Variants in PTPRN2 observed in about 807,000 individuals in gnomAD.
PTPRN2 encodes the protein receptor-type tyrosine-protein phosphatase N2.
Under a neutral mutation model 118.8 loss-of-function variants are expected in PTPRN2, and 74 were observed. The observed-to-expected ratio is 0.62, with a 90% CI of 0.52 to 0.76. The LOEUF (loss-of-function observed/expected upper bound fraction) is 0.76, where lower values mean the gene tolerates loss of function less well. Ranked by LOEUF, PTPRN2 falls within the 30% of genes least tolerant of loss-of-function variation. The probability of loss-of-function intolerance (pLI) is 0.00; values close to 1 mark genes in which losing one functional copy is unlikely to be tolerated. For synonymous variants in PTPRN2, 641 were observed against 608.0 expected, an observed-to-expected ratio of 1.05 and a Z score of -0.80; for missense variants, 1,481 against 1,394.4, an observed-to-expected ratio of 1.06 and a Z score of -0.99.
intron 9 of PTPRN2, among the ~76,000 whole-genome samples, chr7:158,111,824 A>T (rs933784741): frequency 6.6e-6 from 1 of 152,204 alleles, no homozygotes; most frequent in African/African-American, 2.4e-5. Context: ...CTAAAAATTC[A>T]TATGTTGAAA....
At chr7:158,052,094 T>C (rs2128897225) in intron 11 of PTPRN2, among the ~76,000 whole-genome samples, 1 of 152,298 alleles carries the variant, frequency 6.6e-6, no homozygotes, top group African/African-American at 2.4e-5. Flanking sequence ...GCGCCTCTGA[T>C]CCAGAAAAGT....
intron 6 of PTPRN2, among the ~76,000 whole-genome samples, chr7:158,149,714 G>T (rs569246119): frequency 6.6e-6 from 1 of 151,492 alleles, no homozygotes; most frequent in Admixed American, 6.6e-5. Context: ...TAAGGCAGGA[G>T]AATTGCTTGA....
chr7:158,095,992 A>G (rs1814597548), intron 10 of PTPRN2, among the ~76,000 whole-genome samples: 1 of 152,230 alleles, frequency 6.6e-6, no homozygotes, highest in Non-Finnish European at 1.5e-5. Flanking sequence ...CATTTACCCA[A>G]TGCTTCACAC....
intron 21 of PTPRN2, among the ~76,000 whole-genome samples, chr7:157,566,946 C>T (rs545163023): frequency 3.3e-5 from 5 of 152,222 alleles, no homozygotes; most frequent in Non-Finnish European, 5.9e-5. Context: ...CAGGTGCCCC[C>T]AGCAACTCAC....
chr7:158,333,983 A>G, intron 2 of PTPRN2, among the ~76,000 whole-genome samples: 1 of 11,752 alleles, frequency 8.5e-5, no homozygotes, highest in African/African-American at 2.7e-4. Context: ...TCACCATAAG[A>G]GCCGACACCC....
At chr7:157,975,907 A>G (rs1457909222) in intron 11 of PTPRN2, among the ~76,000 whole-genome samples, 1 of 152,222 alleles carries the variant, frequency 6.6e-6, no homozygotes, top group Non-Finnish European at 1.5e-5. Context: ...GTCCAAGGAC[A>G]GCCACAAACT....
intron 9 of PTPRN2, among the ~76,000 whole-genome samples, chr7:158,123,404 G>A (rs73745129): frequency 0.015 from 2,293 of 152,222 alleles, 58 homozygotes; most frequent in African/African-American, 0.052. Context: ...GGTGACCGAC[G>A]CCGCAGTGAC....
chr7:158,527,426 A>T (rs975760927), intron 1 of PTPRN2, among the ~76,000 whole-genome samples: 13 of 152,210 alleles, frequency 8.5e-5, no homozygotes, highest in African/African-American at 3.1e-4. Context: ...GCCAAGACAC[A>T]TGTGATGAGC....
intron 21 of PTPRN2, among the ~76,000 whole-genome samples, chr7:157,561,611 C>T (rs1261541463): frequency 6.6e-6 from 1 of 152,246 alleles, no homozygotes; most frequent in African/African-American, 2.4e-5. Flanking sequence ...ACCCAACCTC[C>T]CAGAACTGCT....
intron 13 of PTPRN2, among the ~76,000 whole-genome samples, chr7:157,658,477 A>C (rs1585190978): frequency 1.3e-5 from 2 of 151,420 alleles, no homozygotes; most frequent in African/African-American, 2.4e-5. Flanking sequence ...AGGGTCTTCG[A>C]CCCTCCTTCC....
At chr7:158,159,965 C>T (rs1822212407) in intron 6 of PTPRN2, among the ~76,000 whole-genome samples, 1 of 152,142 alleles carries the variant, frequency 6.6e-6, no homozygotes, top group Non-Finnish European at 1.5e-5. Context: ...ATCAAAATCT[C>T]TAAATAGAGT....
chr7:157,698,751 G>A (rs529533278), intron 12 of PTPRN2, among the ~76,000 whole-genome samples: 10 of 152,244 alleles, frequency 6.6e-5, no homozygotes, highest in Admixed American at 2.0e-4. Flanking sequence ...TTTAATCAAC[G>A]TATTTGTAAA....
At chr7:158,311,859 G>A (rs1801774940) in intron 3 of PTPRN2, among the ~76,000 whole-genome samples, 1 of 144,008 alleles carries the variant, frequency 6.9e-6, no homozygotes, top group South Asian at 2.3e-4. Flanking sequence ...ACACTCACAT[G>A]CTCATGTGTA....
At chr7:158,214,435 T>C (rs1195817560) in intron 3 of PTPRN2, among the ~76,000 whole-genome samples, 1 of 132,296 alleles carries the variant, frequency 7.6e-6, no homozygotes, top group Non-Finnish European at 1.6e-5. Context: ...CACACACAAC[T>C]AAAGCAGCCT....
At chr7:158,303,828 G>A (rs1000315174) in intron 3 of PTPRN2, among the ~76,000 whole-genome samples, 1 of 152,216 alleles carries the variant, frequency 6.6e-6, no homozygotes, top group Non-Finnish European at 1.5e-5. Context: ...ATAACGTCAG[G>A]GCTGACAACT....
At chr7:157,746,167 G>A (rs553533704) in intron 12 of PTPRN2, among the ~76,000 whole-genome samples, 3 of 134,204 alleles carry the variant, frequency 2.2e-5, no homozygotes, top group African/African-American at 9.1e-5. Context: ...ATGGGACCCT[G>A]AGCATGAAGA....
chr7:158,299,653 G>A (rs1800745349), intron 3 of PTPRN2, among the ~76,000 whole-genome samples: 1 of 152,162 alleles, frequency 6.6e-6, no homozygotes, highest in South Asian at 2.1e-4. Context: ...AGGGCCTTCT[G>A]AGAGCTGTAA....
chr7:157,604,059 G>T lies in PTPRN2; in HGVS notation c.2361C>A (p.Val787=). 1 of 1,613,836 alleles carries T rather than the reference G, an allele frequency of 6.2e-7. No homozygotes were observed. The highest frequency in any genetic ancestry group is 8.5e-7 in the Non-Finnish European group (1 of 1,180,014). The change falls in exon 16 of 23, where the codon GTC becomes GTA. Residue 787 remains valine, a synonymous_variant. Transcript: ENST00000389418. Reference sequence around the variant, plus strand: ...TGTGGCTGTTCTCCGCCTTCAGCAGGACCCGGGAGTGGTCATCTGCAAGGA... The same window carrying T: ...TGTGGCTGTTCTCCGCCTTCAGCAGTACCCGGGAGTGGTCATCTGCAAGGA... The part of the protein sequence containing the change: ...LAVLTYDHSR[V]LLKAENSHSH...
intron 1 of PTPRN2, among the ~76,000 whole-genome samples, chr7:158,575,855 C>A (rs904468870): frequency 6.6e-6 from 1 of 152,030 alleles, no homozygotes; most frequent in African/African-American, 2.4e-5. Flanking sequence ...ATAATAATTT[C>A]AGTATTACTA....
Sources: allele counts gnomAD v4.1 joint callset (sites outside exome capture counted in the v4.1 genomes callset), GRCh38; gene constraint gnomAD v4.1.1; transcripts MANE v1.5; gene names NCBI Gene and HGNC (gene_info 2026-07-23, HGNC 2026-07-21).